STK32C: variants seen among roughly 807,000 people sequenced by gnomAD.
STK32C encodes serine/threonine kinase 32C.
A neutral mutation model predicts 56.5 loss-of-function variants in STK32C; 31 were observed. The observed-to-expected ratio is 0.55, with a 90% CI of 0.41 to 0.74. The LOEUF is 0.74. Ranked by LOEUF, STK32C falls within the 30% of genes least tolerant of loss-of-function variation. The probability of loss-of-function intolerance (pLI) is 0.00; values close to 1 mark genes in which losing one functional copy is unlikely to be tolerated. For missense variants in STK32C, 544 were observed against 676.9 expected (o/e 0.80, Z 2.18); for synonymous variants, 309 against 289.4 (o/e 1.07, Z -0.69).
At chr10:132,224,842 C>G (rs947763802) in intron 7 of STK32C, among the ~76,000 whole-genome samples, 3 of 152,098 alleles carry the variant, frequency 2.0e-5, no homozygotes, top group Non-Finnish European at 4.4e-5. Flanking sequence ...CTGAGGGGTA[C>G]GGTCCACAAG....
chr10:132,235,348 T>A (rs1370828862), intron 2 of STK32C, among the ~76,000 whole-genome samples: 1 of 151,832 alleles, frequency 6.6e-6, no homozygotes, highest in African/African-American at 2.4e-5. Flanking sequence ...TACAAAAAAT[T>A]AGCTGGGTGT....
At chr10:132,308,503 A>C (rs2066153935), upstream of STK32C, among the ~76,000 whole-genome samples, 1 of 151,786 alleles carries the variant, frequency 6.6e-6, no homozygotes, top group Non-Finnish European at 1.5e-5. Context: ...GGGCGGCGGG[A>C]ATCTGCCGGG....
chr10:132,221,496 G>A (rs1421389125), intron 10 of STK32C, among the ~76,000 whole-genome samples: 10 of 123,836 alleles, frequency 8.1e-5, no homozygotes, highest in Middle Eastern at 6.8e-3. Flanking sequence ...AGGGCTTCAC[G>A]TGGCCATCCC....
intron 1 of STK32C, among the ~76,000 whole-genome samples, chr10:132,289,817 T>C (rs1426566089): frequency 1.3e-5 from 2 of 152,202 alleles, no homozygotes; most frequent in African/African-American, 4.8e-5. Context: ...TAGGTCCTAA[T>C]ACTGTCACTC....
At chr10:132,220,210 G>A (rs984820179) in intron 10 of STK32C, among the ~76,000 whole-genome samples, 2 of 152,224 alleles carry the variant, frequency 1.3e-5, no homozygotes, top group Non-Finnish European at 1.5e-5. Flanking sequence ...ATGAGAAGAG[G>A]GGAGGAGATG....
intron 1 of STK32C, among the ~76,000 whole-genome samples, chr10:132,280,790 A>C (rs1188330577): frequency 4.2e-4 from 42 of 100,366 alleles, no homozygotes; most frequent in South Asian, 1.0e-3. Context: ...TGATCACGCC[A>C]CTGCACCCCG....
In STK32C at chr10:132,218,594, C is replaced by T. The variant is rs112450609; in HGVS notation, c.1251+4047G>A. 5.4e-3 allele frequency among the ~76,000 whole-genome samples: 817 copies of T among 152,264 alleles called. 6 individuals are homozygous for T. The highest frequency in any genetic ancestry group is 0.018 in the African/African-American group (748 of 41,546). On this transcript the variant is annotated intron_variant, in intron 10 of 11. Coordinates refer to ENST00000298630, the MANE Select transcript of STK32C (RefSeq NM_173575.4). ...GAGAAATTAGAACCCTCACACACTG[C>T]TGGTAGGGGCATAAAATGGCACACC... is the stretch of plus-strand genomic sequence containing the variant.
chr10:132,252,903 C>T (rs2063957758), intron 1 of STK32C, among the ~76,000 whole-genome samples: 1 of 152,208 alleles, frequency 6.6e-6, no homozygotes, highest in Non-Finnish European at 1.5e-5. Flanking sequence ...CTGGATTCTG[C>T]ATCCACACAG....
At chr10:132,272,698 A>G (rs2064868018) in intron 1 of STK32C, among the ~76,000 whole-genome samples, 1 of 151,896 alleles carries the variant, frequency 6.6e-6, no homozygotes, top group African/African-American at 2.4e-5. Context: ...CCCCGCCTCC[A>G]CCCTCGCCCT....
chr10:132,319,201 G>A (rs966887003), downstream of STK32C, among the ~76,000 whole-genome samples: 3 of 152,078 alleles, frequency 2.0e-5, no homozygotes, highest in East Asian at 3.9e-4. Context: ...CGCCCACCTC[G>A]GCCTCCCAAA....
chr10:132,227,884 G>A, intron 3 of STK32C, 93 bp downstream of exon 3: 1 of 1,492,736 alleles, frequency 6.7e-7, no homozygotes, highest in Non-Finnish European at 9.0e-7. Context: ...GAGGCACGAG[G>A]GCCAAGGAGC....
At chr10:132,310,011 A>T (rs1590481140), upstream of STK32C, among the ~76,000 whole-genome samples, 1 of 152,224 alleles carries the variant, frequency 6.6e-6, no homozygotes, top group Non-Finnish European at 1.5e-5. The surrounding 1 kb of genome is among the most constrained non-coding windows in gnomAD (Gnocchi z 4.6). Flanking sequence ...AGGCGGGAGA[A>T]TGTGAATACA....
chr10:132,210,047 C>A lies in STK32C; in HGVS notation c.1252-946G>T, dbSNP rs529721676. Among the ~76,000 whole-genome samples, 5 of 152,318 alleles carry A rather than the reference C, an allele frequency of 3.3e-5. No homozygotes were observed. In the South Asian group the frequency reaches 6.2e-4, roughly 19 times the overall value. On this transcript the variant is annotated intron_variant, in intron 10 of 11. Transcript: ENST00000298630. Reference sequence around the variant, plus strand: ...GAACGCTCAACCCTATCTAGACATACAAAACGTACAGCAAAACCCAGTGTT... The same window carrying A: ...GAACGCTCAACCCTATCTAGACATAAAAAACGTACAGCAAAACCCAGTGTT...
intron 1 of STK32C, among the ~76,000 whole-genome samples, chr10:132,278,092 G>A (rs940410518): frequency 1.1e-4 from 16 of 152,090 alleles, no homozygotes; most frequent in African/African-American, 3.9e-4. Context: ...AGACCCCCTG[G>A]GAACCCATTG....
intron 1 of STK32C, among the ~76,000 whole-genome samples, chr10:132,306,253 G>A (rs998347842): frequency 6.6e-6 from 1 of 152,234 alleles, no homozygotes; most frequent in Non-Finnish European, 1.5e-5. Flanking sequence ...TTTCTCAGAC[G>A]TTCTCTCAAC....
chr10:132,213,537 A>C (rs1429580680), intron 10 of STK32C, among the ~76,000 whole-genome samples: 1 of 152,252 alleles, frequency 6.6e-6, no homozygotes, highest in Non-Finnish European at 1.5e-5. Flanking sequence ...CAGATTACAT[A>C]AACCTCACAC....
intron 1 of STK32C, among the ~76,000 whole-genome samples, chr10:132,290,925 C>A (rs2138300057): frequency 6.6e-6 from 1 of 152,326 alleles, no homozygotes; most frequent in Middle Eastern, 3.4e-3. Context: ...AGGGCCACAT[C>A]CAGGGCAACC....
chr10:132,243,935 C>T (rs1036930504), intron 2 of STK32C, among the ~76,000 whole-genome samples: 5 of 152,212 alleles, frequency 3.3e-5, no homozygotes, highest in African/African-American at 1.2e-4. Context: ...CCTGGGCCCA[C>T]CACCACCTGC....
chr10:132,249,076 G>T lies in STK32C; in HGVS notation c.263-3121C>A, dbSNP rs763569698. The T allele has an allele frequency of 2.1e-4, 99 of 478,564 alleles. 1 individual carries two copies. In the Admixed American group the frequency reaches 2.1e-3, roughly 10 times the overall value. The allele number at this position is 478,564 out of a possible 1,614,324, so 29.6% of individuals were successfully genotyped here. ...CGACGGAGGCGGCGGCTCCGGCAGAGGCTCCCAGCTGGGAGGCAGCAGCAA... is the reference window on the plus strand; with the variant it reads ...CGACGGAGGCGGCGGCTCCGGCAGATGCTCCCAGCTGGGAGGCAGCAGCAA... On this transcript the variant is annotated intron_variant, in intron 1 of 11. Transcript: ENST00000298630.
Sources: gnomAD v4.1 joint callset for allele counts (sites outside exome capture counted in the v4.1 genomes callset) on GRCh38, gnomAD v4.1.1 for gene constraint, Gnocchi (gnomAD v3.1) non-coding constraint, MANE v1.5 for transcripts, NCBI Gene and HGNC (gene_info 2026-07-23, HGNC 2026-07-21) for gene names.